CDH9: variants seen among roughly 807,000 people sequenced by gnomAD.
The protein encoded by CDH9 is cadherin 9.
CDH9 carries 28 observed loss-of-function variants against 70.9 expected under a neutral mutation model. The ratio of observed to expected loss-of-function variants is 0.40; its 90% CI spans 0.29 to 0.54. The LOEUF (loss-of-function observed/expected upper bound fraction) is 0.54. Ranked by LOEUF, CDH9 falls within the 20% of genes least tolerant of loss-of-function variation. The pLI, the probability that CDH9 is intolerant of heterozygous loss-of-function variation, is 0.59. For synonymous variants in CDH9, 409 were observed against 343.1 expected (o/e 1.19, Z -2.12); for missense variants, 874 against 984.4 (o/e 0.89, Z 1.50).
chr5:26,942,408 C>A (rs1245854177), intron 2 of CDH9, among the ~76,000 whole-genome samples: 1 of 152,104 alleles, frequency 6.6e-6, no homozygotes, highest in Non-Finnish European at 1.5e-5. Context: ...ATGGGTTAAT[C>A]CATTTATGAG....
Position 26,906,669 on chromosome 5 carries a change from C to T in CDH9, c.643+50G>A, listed in dbSNP as rs1355135381. The T allele has an allele frequency of 3.2e-6, 5 of 1,565,114 alleles. 1 individual carries two copies. The Admixed American group carries it at 7.0e-5, about 22-fold the overall frequency. ...TTTAAAAATCTCTAAATTAATTATG[C>T]ATCTTAATGTATTATACAATAAGAA... On this transcript the variant is annotated intron_variant, in intron 4 of 11. Coordinates refer to ENST00000231021, the MANE Select transcript of CDH9 (RefSeq NM_016279.4).
intron 2 of CDH9, among the ~76,000 whole-genome samples, chr5:26,969,596 G>A (rs184923813): frequency 1.3e-5 from 2 of 152,140 alleles, no homozygotes; most frequent in East Asian, 1.9e-4. Context: ...TTGTTAATAT[G>A]TTCCTGCTCT....
intron 2 of CDH9, among the ~76,000 whole-genome samples, chr5:26,980,419 C>T (rs1404161398): frequency 6.6e-6 from 1 of 151,798 alleles, no homozygotes; most frequent in Non-Finnish European, 1.5e-5. Flanking sequence ...TAAGTGTATA[C>T]TCAATTGTCT....
chr5:26,971,179 A>T (rs1323896585), intron 2 of CDH9, among the ~76,000 whole-genome samples: 1 of 152,168 alleles, frequency 6.6e-6, no homozygotes, highest in Non-Finnish European at 1.5e-5. Flanking sequence ...GAGAATGTGT[A>T]CTTTATGATT....
Position 26,927,172 on chromosome 5 carries a change from T to C in CDH9, c.229-11248A>G, listed in dbSNP as rs775097068. ...AAAACCATGTGATTACTTATAATGA[T>C]GTTGAAAAGGCATTTAATAGAATTC... On this transcript the variant is annotated intron_variant, in intron 2 of 11. Coordinates refer to ENST00000231021, the MANE Select transcript of CDH9 (RefSeq NM_016279.4). Among the ~76,000 whole-genome samples, 8 of 152,136 alleles carry C rather than the reference T, an allele frequency of 5.3e-5. 1 individual carries two copies. The highest frequency in any genetic ancestry group is 7.4e-5 in the Non-Finnish European group (5 of 67,984).
At position 27,003,264 on chromosome 5, in the gene CDH9, A is replaced by G. The variant is rs554879984; in HGVS notation, c.-49-14882T>C. ...CCTGTATCTGTAAGTTTATACTGATATAAATAAACAACTGAACCAATAGAT... is the reference window on the plus strand; with the variant it reads ...CCTGTATCTGTAAGTTTATACTGATGTAAATAAACAACTGAACCAATAGAT... On this transcript the variant is annotated intron_variant, in intron 1 of 11. Coordinates refer to ENST00000231021, the MANE Select transcript of CDH9 (RefSeq NM_016279.4). Among the ~76,000 whole-genome samples the G allele has an allele frequency of 3.3e-5, 5 of 152,264 alleles. No individual in the cohort carries two copies. The South Asian group carries it at 1.0e-3, about 32-fold the overall frequency.
intron 2 of CDH9, among the ~76,000 whole-genome samples, chr5:26,944,952 T>C (rs966095313): frequency 6.2e-5 from 5 of 81,182 alleles, no homozygotes; most frequent in African/African-American, 1.6e-4. Context: ...TATACACTAT[T>C]AGTAGAACTC....
At chr5:26,910,577 G>A (rs1182332535) in intron 3 of CDH9, among the ~76,000 whole-genome samples, 2 of 152,010 alleles carry the variant, frequency 1.3e-5, no homozygotes, top group Non-Finnish European at 2.9e-5. Context: ...TTGATAGAAT[G>A]GTAAAACCAA....
intron 11 of CDH9, among the ~76,000 whole-genome samples, chr5:26,882,848 C>T (rs1045850889): frequency 6.6e-6 from 1 of 151,272 alleles, no homozygotes; most frequent in Non-Finnish European, 1.5e-5. Context: ...GTCATTGAGA[C>T]TACACTTCAA....
Position 26,881,615 on chromosome 5 carries a change from C to A in CDH9, c.1891G>T (p.Val631Leu). The change falls in exon 12 of 12, where the codon GTG (valine) becomes TTG (leucine). Residue 631 changes from valine (V) to leucine (L), a missense_variant. Coordinates refer to ENST00000231021, the MANE Select transcript of CDH9 (RefSeq NM_016279.4). ...LCVLILLILV[V>L]LFAALKRQRK... ...TGCCTCTTCAATGCAGCAAACAACA[C>A]GACTAAAACTATTAATAAGAAATGG... 4 of 1,601,902 alleles carry A rather than the reference C, an allele frequency of 2.5e-6. No homozygotes were observed. Among genetic ancestry groups the A allele is most frequent in the East Asian group, 2.2e-5 (1 of 44,814 alleles).
At chr5:26,921,881 A>G (rs1286697630) in intron 2 of CDH9, among the ~76,000 whole-genome samples, 1 of 152,168 alleles carries the variant, frequency 6.6e-6, no homozygotes, top group Non-Finnish European at 1.5e-5. Flanking sequence ...AAGAGATTAA[A>G]ATAACTAAGA....
chr5:26,903,732 C>T lies in CDH9; in HGVS notation c.904G>A (p.Glu302Lys). The T allele has an allele frequency of 6.2e-7, 1 of 1,607,050 alleles. No individual in the cohort carries two copies. Among genetic ancestry groups the T allele is most frequent in the Non-Finnish European group, 8.5e-7 (1 of 1,175,108 alleles). ...CCTTCAGCAATGCTATACTCCATTT[C>T]TGCATTTTCCCCCACGTCAGGGTCA... ...ANDPDVGENA[E>K]MEYSIAEGDG... The change falls in exon 6 of 12, where the codon GAA (glutamate) becomes AAA (lysine). Residue 302 changes from glutamate (E) to lysine (K), a missense_variant. Coordinates refer to ENST00000231021, the MANE Select transcript of CDH9 (RefSeq NM_016279.4).
chr5:27,024,277 C>A (rs959843852), intron 1 of CDH9, among the ~76,000 whole-genome samples: 1 of 151,904 alleles, frequency 6.6e-6, no homozygotes, highest in African/African-American at 2.4e-5. Context: ...TAATTTTTAA[C>A]TATTTTTCAA....
chr5:26,980,166 A>T (rs577295507), intron 2 of CDH9, among the ~76,000 whole-genome samples: 1 of 151,994 alleles, frequency 6.6e-6, no homozygotes, highest in Admixed American at 6.6e-5. Flanking sequence ...CAAGAGAAAC[A>T]TTTGTTATTG....
chr5:26,914,510 T>C (rs552936721), intron 3 of CDH9, among the ~76,000 whole-genome samples: 1 of 152,142 alleles, frequency 6.6e-6, no homozygotes, highest in South Asian at 2.1e-4. Flanking sequence ...ATTTGATAAA[T>C]TCCTTTTGTT....
intron 1 of CDH9, among the ~76,000 whole-genome samples, chr5:27,005,887 G>A (rs1742854128): frequency 6.6e-6 from 1 of 152,078 alleles, no homozygotes; most frequent in Admixed American, 6.6e-5. Context: ...TGGAGCTGGA[G>A]GCTATTATCC....
At chr5:27,028,792 A>G (rs148071860) in intron 1 of CDH9, among the ~76,000 whole-genome samples, 29 of 152,170 alleles carry the variant, frequency 1.9e-4, no homozygotes, top group African/African-American at 6.7e-4. Context: ...CCAATTGCCA[A>G]AAACCAAAAA....
chr5:26,917,963 T>C (rs530228012), intron 2 of CDH9, among the ~76,000 whole-genome samples: 12 of 152,336 alleles, frequency 7.9e-5, no homozygotes, highest in South Asian at 2.1e-4. Context: ...GTTTGCTTGT[T>C]TGTTTTTAAA....
intron 1 of CDH9, among the ~76,000 whole-genome samples, chr5:27,006,472 T>C (rs979703401): frequency 6.6e-6 from 1 of 151,832 alleles, no homozygotes; most frequent in East Asian, 1.9e-4. Context: ...CCACTAAGAG[T>C]TGGCTGCTTT....
Sources: allele counts gnomAD v4.1 joint callset (sites outside exome capture counted in the v4.1 genomes callset), GRCh38; gene constraint gnomAD v4.1.1; transcripts MANE v1.5; gene names NCBI Gene and HGNC (gene_info 2026-07-23, HGNC 2026-07-21).